The following ANO3 variants were observed in gnomAD, a reference collection of about 807,000 sequenced individuals.
ANO3 encodes the protein anoctamin-3.
In ANO3, 99 loss-of-function variants were observed where a neutral mutation model predicts 144.8. The ratio of observed to expected loss-of-function variants is 0.68; its 90% CI spans 0.58 to 0.81. The LOEUF (loss-of-function observed/expected upper bound fraction) is 0.81, where lower values mean the gene tolerates loss of function less well. ANO3 is among the 30% of genes least tolerant of loss of function. ANO3 has a pLI of 0.00. For missense variants in ANO3, 905 were observed against 1,202.2 expected, an observed-to-expected ratio of 0.75 and a Z score of 3.66; for synonymous variants, 414 against 392.6, an observed-to-expected ratio of 1.05 and a Z score of -0.64.
chr11:26,588,565 T>C (rs781707676), intron 14 of ANO3, among the ~76,000 whole-genome samples: 30 of 152,344 alleles, frequency 2.0e-4, no homozygotes, highest in Middle Eastern at 3.4e-3. Context: ...AGATTACCTT[T>C]ATTTTTTATA....
intron 17 of ANO3, among the ~76,000 whole-genome samples, chr11:26,620,467 TATTAA>T (rs1006139187): frequency 4.0e-5 from 6 of 151,654 alleles, no homozygotes; most frequent in South Asian, 2.1e-4. Flanking sequence ...ATTTTATAAA[TATTAA>T]ATTAAATTTA....
At chr11:26,511,721 A>G (rs1263715848) in intron 5 of ANO3, among the ~76,000 whole-genome samples, 1 of 152,138 alleles carries the variant, frequency 6.6e-6, no homozygotes, top group East Asian at 1.9e-4. Context: ...TTGAATTGAG[A>G]TTTGAAAAAT....
chr11:26,465,261 A>T (rs1451881870), intron 4 of ANO3, among the ~76,000 whole-genome samples: 1 of 135,614 alleles, frequency 7.4e-6, no homozygotes, highest in Non-Finnish European at 1.6e-5. Context: ...CTATGGTTCA[A>T]ATGAACCTAT....
rs1859887848 is a variant in ANO3 at position 26,474,439 on chromosome 11, A to G, written c.432+11291A>G. Among the ~76,000 whole-genome samples, 4 of 152,050 alleles carry G rather than the reference A, an allele frequency of 2.6e-5. No individual in the cohort carries two copies. The East Asian group carries it at 7.7e-4, about 29-fold the overall frequency. On this transcript the variant is annotated intron_variant, in intron 4 of 26. Coordinates refer to ENST00000256737, the MANE Select transcript of ANO3 (RefSeq NM_031418.4). ...CTAAAATGGTTTTTTATTCAAAAAC[A>G]TAAAATATATTTACCTTTAAAATAT...
intron 1 of ANO3, among the ~76,000 whole-genome samples, chr11:26,379,345 C>G (rs2133948176): frequency 6.6e-6 from 1 of 152,214 alleles, no homozygotes; most frequent in Middle Eastern, 3.4e-3. Flanking sequence ...GTGATGTGAT[C>G]TATTTTCCAT....
chr11:26,619,763 G>A lies in ANO3; in HGVS notation c.1837-4699G>A, dbSNP rs533093159. 1.8e-4 allele frequency among the ~76,000 whole-genome samples: 28 copies of A among 152,172 alleles called. 1 individual carries two copies. The South Asian group carries it at 2.7e-3, about 15-fold the overall frequency. ...ATTACAGGCGTGAGCCACTGCGCCC[G>A]GCCAAAAAACTACAGATTCTTGAGT... is the stretch of plus-strand genomic sequence containing the variant. On this transcript the variant is annotated intron_variant, in intron 17 of 26. Coordinates refer to ENST00000256737, the MANE Select transcript of ANO3 (RefSeq NM_031418.4).
At chr11:26,250,935 T>A (rs1852914364) in intron 1 of ANO3, among the ~76,000 whole-genome samples, 1 of 152,194 alleles carries the variant, frequency 6.6e-6, no homozygotes, top group Non-Finnish European at 1.5e-5. Context: ...AGCCTATAGT[T>A]GGGCTAAATC....
At position 26,347,317 on chromosome 11, in the gene ANO3, T is replaced by C. The variant is rs115990770; in HGVS notation, c.46+14996T>C. 8.9e-3 allele frequency among the ~76,000 whole-genome samples: 1,362 copies of C among 152,330 alleles called. 12 individuals carry two copies. Among genetic ancestry groups the C allele is most frequent in the African/African-American group, 0.031 (1,274 of 41,574 alleles). ...CTGGCAGCTAATAACTATTTAACAA[T>C]GTTGAAGTTAACGTTTCTTGATTAT... On this transcript the variant is annotated intron_variant, in intron 1 of 26. Transcript: ENST00000256737.
intron 4 of ANO3, among the ~76,000 whole-genome samples, chr11:26,466,983 TGGTATTTAA>T (rs1169592874): frequency 1.3e-5 from 2 of 151,980 alleles, no homozygotes; most frequent in African/African-American, 4.8e-5. Context: ...TGAAATCACA[TGGTATTTAA>T]GCAACCTATC....
intron 23 of ANO3, among the ~76,000 whole-genome samples, chr11:26,645,668 GAC>G (rs1366646434): frequency 2.0e-4 from 30 of 152,086 alleles, no homozygotes; most frequent in African/African-American, 7.2e-4. Context: ...AAACAATATA[GAC>G]ACAGAAGGGG....
chr11:26,406,254 G>A (rs1857274129), intron 1 of ANO3, among the ~76,000 whole-genome samples: 1 of 151,794 alleles, frequency 6.6e-6, no homozygotes, highest in Non-Finnish European at 1.5e-5. Flanking sequence ...GAGCAAGACA[G>A]TGCTGTCATC....
chr11:26,641,607 T>A (rs1853152695), intron 21 of ANO3, among the ~76,000 whole-genome samples: 2 of 152,138 alleles, frequency 1.3e-5, no homozygotes, highest in Non-Finnish European at 2.9e-5. Context: ...AGAGCTTGAA[T>A]TCCTAGATAA....
intron 14 of ANO3, among the ~76,000 whole-genome samples, chr11:26,595,492 T>C (rs547753729): frequency 2.1e-5 from 3 of 145,834 alleles, no homozygotes; most frequent in South Asian, 4.6e-4. Context: ...TTTTTTATTC[T>C]GTAAGTACTT....
chr11:26,631,430 C>A (rs1222532791), intron 18 of ANO3, among the ~76,000 whole-genome samples: 3 of 151,822 alleles, frequency 2.0e-5, no homozygotes, highest in African/African-American at 2.4e-5. Context: ...ATCAATATAA[C>A]AAATAGAGAA....
chr11:26,254,520 C>T (rs917387081), intron 1 of ANO3, among the ~76,000 whole-genome samples: 9 of 152,098 alleles, frequency 5.9e-5, no homozygotes, highest in African/African-American at 1.9e-4. Flanking sequence ...GAGAAAAATG[C>T]ATTTGTTTCT....
chr11:26,561,219 C>A (rs763698649), intron 14 of ANO3: 6 of 1,600,140 alleles, frequency 3.7e-6, no homozygotes, highest in Non-Finnish European at 5.1e-6. Context: ...ATTGTCTAAT[C>A]GCAGAACTAA....
intron 1 of ANO3, among the ~76,000 whole-genome samples, chr11:26,248,090 A>C (rs1253340303): frequency 3.3e-5 from 5 of 151,996 alleles, no homozygotes; most frequent in African/African-American, 1.2e-4. Flanking sequence ...CTCGTAATTC[A>C]GCATGTTGGG....
chr11:26,608,500 C>A (rs1483153853), intron 17 of ANO3, among the ~76,000 whole-genome samples: 3 of 152,082 alleles, frequency 2.0e-5, no homozygotes, highest in African/African-American at 7.2e-5. Context: ...GGAGGGGAAA[C>A]CCAGTCTTCT....
chr11:26,374,027 A>C (rs911983641), intron 1 of ANO3, among the ~76,000 whole-genome samples: 1 of 152,200 alleles, frequency 6.6e-6, no homozygotes, highest in African/African-American at 2.4e-5. Context: ...CCACCCCAGC[A>C]AAGTATATAA....
Sources: gnomAD v4.1 joint callset for allele counts (sites outside exome capture counted in the v4.1 genomes callset) on GRCh38, gnomAD v4.1.1 for gene constraint, MANE v1.5 for transcripts, NCBI Gene and HGNC (gene_info 2026-07-23, HGNC 2026-07-21) for gene names.